The following NSL1 variants were observed in gnomAD, a reference collection of about 807,000 sequenced individuals.
The protein encoded by NSL1 is kinetochore-associated protein NSL1 homolog.
Under a neutral mutation model 25.4 loss-of-function variants are expected in NSL1, and 11 were observed. The observed-to-expected ratio is 0.43, with a 90% CI of 0.27 to 0.72. The LOEUF (loss-of-function observed/expected upper bound fraction) is 0.72, where lower values mean the gene tolerates loss of function less well. NSL1 is among the 30% of genes least tolerant of loss of function. The pLI is 0.19. For synonymous variants in NSL1, 118 were observed against 120.6 expected (o/e 0.98, Z 0.14); for missense variants, 330 against 342.7 (o/e 0.96, Z 0.29).
chr1:212,761,370 C>T (rs947606934), intron 4 of NSL1, among the ~76,000 whole-genome samples: 2 of 152,056 alleles, frequency 1.3e-5, no homozygotes, highest in Non-Finnish European at 2.9e-5. Context: ...GGCAACGTGG[C>T]GAAACCTCCT....
rs1658153536 is a variant in NSL1, at chr1:212,734,467, T to G, written c.*3941A>C. Among the ~76,000 whole-genome samples, 1 of 152,208 alleles carries G rather than the reference T, an allele frequency of 6.6e-6. No individual in the cohort carries two copies. The highest frequency in any genetic ancestry group is 1.5e-5 in the Non-Finnish European group (1 of 68,042). ...AGTTCAACAAAATTTTACATACATA[T>G]ACAGCCATGTGAGCACCACTCAGAT... On this transcript the variant is annotated 3_prime_UTR_variant, in exon 6 of 6. Transcript: ENST00000366977.
chr1:212,791,116 G>GA (rs150222537), intron 1 of NSL1, among the ~76,000 whole-genome samples: 3,466 of 152,096 alleles, frequency 0.023, 63 homozygotes, highest in South Asian at 0.041. Flanking sequence ...TAACTAGTTC[G>GA]AAGATGTGCC....
intron 1 of NSL1, among the ~76,000 whole-genome samples, chr1:212,790,219 G>A (rs1187337826): frequency 1.3e-5 from 2 of 152,018 alleles, no homozygotes; most frequent in Admixed American, 1.3e-4. Context: ...AGTAGAGACG[G>A]GGTTTCACCA....
At chr1:212,768,587 T>TG (rs1236273238) in intron 4 of NSL1, among the ~76,000 whole-genome samples, 3 of 152,208 alleles carry the variant, frequency 2.0e-5, no homozygotes, top group African/African-American at 2.4e-5. Flanking sequence ...TGGATGGAGT[T>TG]GGAGTCCATC....
intron 4 of NSL1, among the ~76,000 whole-genome samples, chr1:212,771,215 G>C (rs528053206): frequency 6.6e-6 from 1 of 152,296 alleles, no homozygotes; most frequent in East Asian, 1.9e-4. Flanking sequence ...TCAGGAGACT[G>C]AGGCAGGAGA....
At position 212,738,039 on chromosome 1, in the gene NSL1, C is replaced by A; in HGVS notation, c.*369G>T. ...AGCTCTCTCTCTTTTTTTTTTTTTT[C>A]CTAGAAAGATGTATACCAGGGAAAC... On this transcript the variant is annotated 3_prime_UTR_variant, in exon 6 of 6. Coordinates refer to ENST00000366977, the MANE Select transcript of NSL1 (RefSeq NM_015471.4). The A allele has an allele frequency of 1.0e-6, 1 of 972,224 alleles. No individual in the cohort carries two copies. The highest frequency in any genetic ancestry group is 5.2e-4 in the Middle Eastern group (1 of 1,908). The allele number at this position is 972,224 out of a possible 1,614,324, so 60.2% of individuals were successfully genotyped here.
Position 212,727,361 on chromosome 1 carries a change from G to A in NSL1, c.*11047C>T. ...AGTCCTGGCACTCAGCACATGGCAG[G>A]AAGGTCACTTAACCAGGGAAATAAG... On this transcript the variant is annotated 3_prime_UTR_variant, in exon 6 of 6. Coordinates refer to ENST00000366977, the MANE Select transcript of NSL1 (RefSeq NM_015471.4). 2 of 985,422 alleles carry A rather than the reference G, an allele frequency of 2.0e-6. No individual in the cohort carries two copies. The highest frequency in any genetic ancestry group is 2.4e-6 in the Non-Finnish European group (2 of 829,922). 61.0% of individuals were successfully genotyped at this position (985,422 alleles called of 1,614,324 possible). A position where few individuals can be genotyped will look rare whatever the true frequency, so the allele number is the denominator to read the frequency against.
chr1:212,780,044 G>A (rs1439148876), intron 4 of NSL1, among the ~76,000 whole-genome samples: 22 of 152,026 alleles, frequency 1.4e-4, no homozygotes, highest in Non-Finnish European at 2.1e-4. Context: ...TGACAATGGC[G>A]GTTTTGTGGA....
Position 212,735,532 on chromosome 1 carries a change from T to C in NSL1, c.*2876A>G. 1 of 985,424 alleles carries C rather than the reference T, an allele frequency of 1.0e-6. No individual in the cohort carries two copies. The highest frequency in any genetic ancestry group is 1.2e-6 in the Non-Finnish European group (1 of 829,932). The allele number at this position is 985,424 out of a possible 1,614,324, so 61.0% of individuals were successfully genotyped here. On this transcript the variant is annotated 3_prime_UTR_variant, in exon 6 of 6. Coordinates refer to ENST00000366977, the MANE Select transcript of NSL1 (RefSeq NM_015471.4). ...AAGGGCCAGGGAAAGAGGTCTAGGA[T>C]AAGATTTTCTGTGGGCTTGTGTTAT...
Position 212,791,513 on chromosome 1 carries a change from G to A in NSL1, c.234+17C>T, listed in dbSNP as rs1310419690. ...TAAGAGGATGATGAGTAAAGAACTG[G>A]CTAACTGGTCCCGTACCCACTGCGC... On this transcript the variant is annotated intron_variant, in intron 1 of 5. Coordinates refer to ENST00000366977, the MANE Select transcript of NSL1 (RefSeq NM_015471.4). 4.4e-6 allele frequency: 7 copies of A among 1,602,410 alleles called. No individual in the cohort carries two copies. The South Asian group carries it at 6.6e-5, about 15-fold the overall frequency.
intron 4 of NSL1, among the ~76,000 whole-genome samples, chr1:212,745,183 TATATATATATATATATATATGC>T (rs1291984310): frequency 2.0e-3 from 41 of 20,906 alleles, no homozygotes; most frequent in African/African-American, 4.6e-3. Flanking sequence ...TATATATATA[TATATATATATATATATATATGC>T]ATATGCATAT....
chr1:212,749,431 A>G (rs543913813), intron 4 of NSL1, among the ~76,000 whole-genome samples: 3 of 148,726 alleles, frequency 2.0e-5, no homozygotes, highest in Non-Finnish European at 3.0e-5. Context: ...TGCAGCCTCA[A>G]ACTCCTGGGC....
At chr1:212,748,135 C>A (rs1658894503) in intron 4 of NSL1, among the ~76,000 whole-genome samples, 1 of 152,136 alleles carries the variant, frequency 6.6e-6, no homozygotes, top group Non-Finnish European at 1.5e-5. Flanking sequence ...TTTATGTCAT[C>A]TTCTTGCAGT....
chr1:212,767,351 CT>C (rs1446221795), intron 4 of NSL1, among the ~76,000 whole-genome samples: 1 of 151,426 alleles, frequency 6.6e-6, no homozygotes, highest in Non-Finnish European at 1.5e-5. Context: ...AAAGGACATC[CT>C]AATTGGCAAG....
chr1:212,775,246 A>C (rs1660307916), intron 4 of NSL1, among the ~76,000 whole-genome samples: 1 of 152,212 alleles, frequency 6.6e-6, no homozygotes, highest in Non-Finnish European at 1.5e-5. Flanking sequence ...CCAGGGAAGC[A>C]AGATGAGAGA....
chr1:212,745,191 T>TGC (rs1658725333), intron 4 of NSL1, among the ~76,000 whole-genome samples: 1 of 21,454 alleles, frequency 4.7e-5, no homozygotes, highest in African/African-American at 1.3e-4. Context: ...TATATATATA[T>TGC]ATATATATAT....
Position 212,737,469 on chromosome 1 carries a change from G to A in NSL1, c.*939C>T. The A allele has an allele frequency of 1.0e-6, 1 of 984,804 alleles. No homozygotes were observed. Among genetic ancestry groups the A allele is most frequent in the Non-Finnish European group, 1.2e-6 (1 of 829,352 alleles). The allele number at this position is 984,804 out of a possible 1,614,324, so 61.0% of individuals were successfully genotyped here. On this transcript the variant is annotated 3_prime_UTR_variant, in exon 6 of 6. Transcript: ENST00000366977. ...GATGGCCCTGCCTACACTGTATAAT[G>A]TAAGACACACAATAAGAGCTATAAG... is the stretch of plus-strand genomic sequence containing the variant.
intron 4 of NSL1, among the ~76,000 whole-genome samples, chr1:212,763,361 AAAC>A (rs140107946): frequency 0.023 from 3,460 of 152,312 alleles, 62 homozygotes; most frequent in South Asian, 0.041. Context: ...AGGGCCTAAA[AAAC>A]AACAACAGAA....
chr1:212,759,923 C>T (rs867906557), intron 4 of NSL1, among the ~76,000 whole-genome samples: 13 of 152,218 alleles, frequency 8.5e-5, no homozygotes, highest in African/African-American at 3.1e-4. Context: ...GGCCACCCAG[C>T]AGCAAGGCTA....
Sources: gnomAD v4.1 joint callset for allele counts (sites outside exome capture counted in the v4.1 genomes callset) on GRCh38, gnomAD v4.1.1 for gene constraint, MANE v1.5 for transcripts, NCBI Gene and HGNC (gene_info 2026-07-23, HGNC 2026-07-21) for gene names.